The following TPP2 variants were observed in gnomAD, a reference collection of about 807,000 sequenced individuals.
TPP2 encodes tripeptidyl peptidase 2.
In TPP2, 34 loss-of-function variants were observed where a neutral mutation model predicts 155.9. The observed-to-expected ratio is 0.22, with a 90% CI of 0.17 to 0.29. The LOEUF is 0.29. Ranked by LOEUF, TPP2 falls within the 10% of genes least tolerant of loss-of-function variation. The probability of loss-of-function intolerance (pLI) is 1.00; values close to 1 mark genes in which losing one functional copy is unlikely to be tolerated. For synonymous variants in TPP2, 510 were observed against 529.4 expected, an observed-to-expected ratio of 0.96 and a Z score of 0.50; for missense variants, 1,028 against 1,522.3, an observed-to-expected ratio of 0.68 and a Z score of 5.40.
chr13:102,617,767 A>G (rs1328807816), intron 4 of TPP2, among the ~76,000 whole-genome samples: 2 of 152,198 alleles, frequency 1.3e-5, no homozygotes, highest in Non-Finnish European at 2.9e-5. Flanking sequence ...ATAAATTGCC[A>G]AATAGTAAAT....
At chr13:102,669,401 A>C (rs1228892252) in intron 27 of TPP2, among the ~76,000 whole-genome samples, 1 of 152,198 alleles carries the variant, frequency 6.6e-6, no homozygotes, top group Non-Finnish European at 1.5e-5. Flanking sequence ...AGCTGGACCA[A>C]TATCAGTTTT....
At chr13:102,664,723 C>G (rs904698869) in intron 26 of TPP2, 72 bp from the exon 27 acceptor site, 10 of 1,476,944 alleles carry the variant, frequency 6.8e-6, no homozygotes, top group South Asian at 2.6e-5. Context: ...ATGGTTGAGA[C>G]AGCAGAAGTG....
At chr13:102,642,347 GTTAA>G (rs1380869141) in intron 16 of TPP2, among the ~76,000 whole-genome samples, 1 of 152,004 alleles carries the variant, frequency 6.6e-6, no homozygotes, top group African/African-American at 2.4e-5. Context: ...CAAATCTATG[GTTAA>G]TTAATACTGA....
chr13:102,642,558 A>T (rs1368883308), intron 16 of TPP2, among the ~76,000 whole-genome samples: 1 of 152,144 alleles, frequency 6.6e-6, no homozygotes, highest in Non-Finnish European at 1.5e-5. Flanking sequence ...TTAGCAACTG[A>T]CTAGGTTCTG....
rs114886962 is a variant in TPP2, at chr13:102,610,576, A to T, written c.295-3525A>T. Among the ~76,000 whole-genome samples the T allele has an allele frequency of 5.4e-3, 817 of 152,258 alleles. 7 individuals carry two copies. The highest frequency in any genetic ancestry group is 0.019 in the African/African-American group (791 of 41,554). On this transcript the variant is annotated intron_variant, in intron 2 of 29. Coordinates refer to ENST00000376052, the MANE Select transcript of TPP2 (RefSeq NM_001330588.2). Reference sequence around the variant, plus strand: ...AATGTTTATAGTCTGTTTTTTCCACATAGCCCATAAACTGCTAACAGACTT... The same window carrying T: ...AATGTTTATAGTCTGTTTTTTCCACTTAGCCCATAAACTGCTAACAGACTT...
intron 21 of TPP2, 112 bp from the exon 22 acceptor site, chr13:102,648,792 ACCT>A (rs1379358840): frequency 7.4e-7 from 1 of 1,359,610 alleles, no homozygotes; most frequent in Non-Finnish European, 9.8e-7. Context: ...CTTGCACTGT[ACCT>A]CACATATTAT....
chr13:102,605,318 A>G (rs555615477), intron 2 of TPP2, among the ~76,000 whole-genome samples: 17 of 152,348 alleles, frequency 1.1e-4, no homozygotes, highest in African/African-American at 3.8e-4. Flanking sequence ...GTGAGCCGAG[A>G]GAGTCCCCAC....
At chr13:102,620,266 G>A (rs538282687) in intron 5 of TPP2, among the ~76,000 whole-genome samples, 7 of 152,268 alleles carry the variant, frequency 4.6e-5, no homozygotes, top group Non-Finnish European at 1.0e-4. Context: ...TAAGGGTTTT[G>A]TTTAGAACTT....
At chr13:102,663,773 AT>A in intron 26 of TPP2, 29 bp downstream of exon 26, 1 of 1,507,584 alleles carries the variant, frequency 6.6e-7, no homozygotes, top group East Asian at 2.3e-5. Context: ...GATATATCTT[AT>A]TTTGTTTGTA....
intron 20 of TPP2, among the ~76,000 whole-genome samples, chr13:102,646,857 A>G (rs938233594): frequency 6.6e-6 from 1 of 152,234 alleles, no homozygotes; most frequent in Admixed American, 6.5e-5. Flanking sequence ...AGATTTCAAT[A>G]AAACTGTTAC....
chr13:102,654,590 A>G (rs1482474241), intron 24 of TPP2, among the ~76,000 whole-genome samples: 1 of 152,168 alleles, frequency 6.6e-6, no homozygotes, highest in Non-Finnish European at 1.5e-5. Context: ...AGTGCCTCAC[A>G]ACACATAGGC....
chr13:102,606,748 T>G (rs907117313), intron 2 of TPP2, among the ~76,000 whole-genome samples: 14 of 152,200 alleles, frequency 9.2e-5, no homozygotes, highest in African/African-American at 3.4e-4. Context: ...GGGTCCTGCC[T>G]TCACTTAGGG....
At chr13:102,638,585 G>T (rs1262229654) in intron 15 of TPP2, among the ~76,000 whole-genome samples, 1 of 152,146 alleles carries the variant, frequency 6.6e-6, no homozygotes, top group Admixed American at 6.6e-5. Flanking sequence ...GCATTGCCCA[G>T]TTCAGAGGAT....
In TPP2 at chr13:102,664,819, A is replaced by G. The variant is rs776584443; in HGVS notation, c.3265A>G (p.Ile1089Val). The G allele has an allele frequency of 2.5e-6, 4 of 1,613,360 alleles. No homozygotes were observed. The South Asian group carries it at 3.3e-5, about 13-fold the overall frequency. Residue 1089 changes from isoleucine to valine, a missense_variant, in exon 27 of 30, where the codon ATT (isoleucine) becomes GTT (valine). Physicochemically the swap from Ile to Val is conservative, Grantham distance 29 (BLOSUM62 3). Transcript: ENST00000376052. ...GGAACGAATGAAAAGACTTAATGAA[A>G]TTGTTGATGCGGCAAATGCTGTTAT... is the stretch of plus-strand genomic sequence containing the variant. ...EKERMKRLNE[I>V]VDAANAVISH...
chr13:102,623,940 A>G (rs1881359434), intron 6 of TPP2, among the ~76,000 whole-genome samples: 1 of 152,194 alleles, frequency 6.6e-6, no homozygotes, highest in Non-Finnish European at 1.5e-5. Context: ...TGTAAGTGCT[A>G]TATAAATAGT....
chr13:102,602,609 G>A (rs1408725189), intron 1 of TPP2, among the ~76,000 whole-genome samples: 2 of 151,940 alleles, frequency 1.3e-5, no homozygotes, highest in African/African-American at 2.4e-5. Context: ...TGCTTTGTCC[G>A]GTAAAGGAAA....
intron 24 of TPP2, among the ~76,000 whole-genome samples, chr13:102,654,313 T>A (rs1883702235): frequency 6.6e-6 from 1 of 152,200 alleles, no homozygotes; most frequent in South Asian, 2.1e-4. Context: ...AATTGTTAAT[T>A]TGATATATTT....
chr13:102,645,956 A>G (rs1883071843), intron 19 of TPP2, among the ~76,000 whole-genome samples: 2 of 148,674 alleles, frequency 1.3e-5, no homozygotes, highest in Admixed American at 1.3e-4. Context: ...AAGGGGTACA[A>G]ATCAGAACCT....
rs538807955 is a variant in TPP2 at position 102,675,040 on chromosome 13, A to G, written c.3579+550A>G. Reference sequence around the variant, plus strand: ...TAAATCTCTTTTAGCTCTCTACTATAATTCTTGCAATAGCGTTTATACAAG... The same window carrying G: ...TAAATCTCTTTTAGCTCTCTACTATGATTCTTGCAATAGCGTTTATACAAG... On this transcript the variant is annotated intron_variant, in intron 28 of 29. Transcript: ENST00000376052. Among the ~76,000 whole-genome samples the G allele has an allele frequency of 2.0e-5, 3 of 152,340 alleles. No homozygotes were observed. In the South Asian group the frequency reaches 6.2e-4, roughly 32 times the overall value.
Sources: gnomAD v4.1 joint callset for allele counts (sites outside exome capture counted in the v4.1 genomes callset) on GRCh38, gnomAD v4.1.1 for gene constraint, MANE v1.5 for transcripts, NCBI Gene and HGNC (gene_info 2026-07-23, HGNC 2026-07-21) for gene names.